Variants in CYP2B6 observed in about 807,000 individuals in gnomAD.
CYP2B6 encodes cytochrome P450 family 2 subfamily B member 6.
A neutral mutation model predicts 43.4 loss-of-function variants in CYP2B6; 35 were observed. The observed-to-expected ratio is 0.81, with a 90% CI of 0.62 to 1.07. The LOEUF is 1.07. CYP2B6 is among the 50% of genes least tolerant of loss of function. The probability of loss-of-function intolerance (pLI) is 0.00; values close to 1 mark genes in which losing one functional copy is unlikely to be tolerated. For missense variants in CYP2B6, 624 were observed against 632.8 expected, an observed-to-expected ratio of 0.99 and a Z score of 0.15; for synonymous variants, 239 against 239.2, an observed-to-expected ratio of 1.00 and a Z score of 0.01.
chr19:41,004,445 G>C lies in CYP2B6; in HGVS notation c.483G>C (p.Lys161Asn). 1 of 1,613,724 alleles carries C rather than the reference G, an allele frequency of 6.2e-7. No individual in the cohort carries two copies. Among genetic ancestry groups the C allele is most frequent in the Non-Finnish European group, 8.5e-7 (1 of 1,179,918 alleles). The change falls in exon 3 of 9, where the codon AAG (lysine) becomes AAC (asparagine). Residue 161 changes from lysine (K) to asparagine (N), a missense_variant and splice_region_variant. By Grantham distance (94) the Lys-to-Asn change is moderately conservative. Transcript: ENST00000324071. ...QCLIEELRKS[K>N]GALMDPTFLF... The stretch of plus-strand genomic sequence containing the variant: ...TGATAGAGGAGCTTCGGAAATCCAA[G>C]GGTGAGTCCTGGGGGATGAATAGGA...
At chr19:40,992,507 A>G (rs1231885614) in intron 1 of CYP2B6, among the ~76,000 whole-genome samples, 1 of 152,046 alleles carries the variant, frequency 6.6e-6, no homozygotes, top group Non-Finnish European at 1.5e-5. Context: ...GAATGGCTGC[A>G]TATGAGCATT....
chr19:40,995,525 G>T (rs1968987367), intron 1 of CYP2B6, among the ~76,000 whole-genome samples: 1 of 152,140 alleles, frequency 6.6e-6, no homozygotes, highest in Non-Finnish European at 1.5e-5. Flanking sequence ...TGAAAGGTCT[G>T]GTTGTCATCA....
At chr19:41,002,574 A>G (rs184232100) in intron 1 of CYP2B6, among the ~76,000 whole-genome samples, 268 of 152,022 alleles carry the variant, frequency 1.8e-3, no homozygotes, top group African/African-American at 5.7e-3. Flanking sequence ...CTGAGATTGA[A>G]TTTTGCTCTG....
In CYP2B6 at chr19:41,009,993, G is replaced by A. The variant is rs74869835; in HGVS notation, c.823-1G>A. Reference sequence around the variant, plus strand: ...CCCTTCCTTCCCTACTGTGGACGCAGGAGAAATCCAACGCACACAGTGAAT... The same window carrying A: ...CCCTTCCTTCCCTACTGTGGACGCAAGAGAAATCCAACGCACACAGTGAAT... On this transcript the variant is annotated splice_acceptor_variant, in intron 5 of 8. Transcript: ENST00000324071. LOFTEE classifies it high-confidence loss of function. The A allele has an allele frequency of 3.7e-5, 60 of 1,613,984 alleles. No homozygotes were observed. The highest frequency in any genetic ancestry group is 1.6e-4 in the Middle Eastern group (1 of 6,084).
chr19:41,012,139 G>A (rs138778161), intron 6 of CYP2B6, among the ~76,000 whole-genome samples, 159 bp from the exon 7 acceptor site: 203 of 152,152 alleles, frequency 1.3e-3, no homozygotes, highest in African/African-American at 4.7e-3. Context: ...TAGGAGAGAC[G>A]GGATTTTGCC....
intron 3 of CYP2B6, among the ~76,000 whole-genome samples, chr19:41,005,080 GA>G (rs903654476): frequency 1.3e-5 from 2 of 152,070 alleles, no homozygotes; most frequent in Admixed American, 6.6e-5. Context: ...TTAAGTAAAA[GA>G]AAAAAACTAC....
At chr19:41,002,845 C>T (rs1035036940) in intron 1 of CYP2B6, among the ~76,000 whole-genome samples, 10 of 152,120 alleles carry the variant, frequency 6.6e-5, no homozygotes, top group Non-Finnish European at 1.3e-4. Flanking sequence ...CCACGCCTGG[C>T]CCTGTGTTTG....
chr19:40,991,913 T>C (rs1001402048), intron 1 of CYP2B6, among the ~76,000 whole-genome samples: 1 of 151,912 alleles, frequency 6.6e-6, no homozygotes, highest in Non-Finnish European at 1.5e-5. Flanking sequence ...CAAGAATATA[T>C]TCATTTGGGC....
chr19:41,016,678 C>T lies in CYP2B6; in HGVS notation c.1327C>T (p.Arg443Cys), dbSNP rs147991149. The change falls in exon 9 of 9, where the codon CGT (arginine) becomes TGT (cysteine). Residue 443 changes from arginine to cysteine, a missense_variant. By Grantham distance (180) the Arg-to-Cys change is radical. Coordinates refer to ENST00000324071, the MANE Select transcript of CYP2B6 (RefSeq NM_000767.5). ...KRICLGEGIA[R>C]AELFLFFTTI... ...GATTTGTCTTGGTGAAGGCATCGCC[C>T]GTGCGGAATTGTTCCTCTTCTTCAC... 74 of 1,614,192 alleles carry T rather than the reference C, an allele frequency of 4.6e-5. No individual in the cohort carries two copies. The highest frequency in any genetic ancestry group is 3.1e-4 in the African/African-American group (23 of 75,058).
At chr19:41,015,176 C>G (rs1306522049) in intron 8 of CYP2B6, among the ~76,000 whole-genome samples, 2 of 152,024 alleles carry the variant, frequency 1.3e-5, no homozygotes, top group East Asian at 3.9e-4. Flanking sequence ...AAGGTATAAC[C>G]CAAGCCAAAA....
intron 1 of CYP2B6, among the ~76,000 whole-genome samples, chr19:40,999,719 C>T (rs1387169424): frequency 6.6e-6 from 1 of 152,014 alleles, no homozygotes; most frequent in Non-Finnish European, 1.5e-5. Context: ...GACAGGGTCT[C>T]AGTCTGTTAC....
At chr19:40,991,606 G>A in intron 1 of CYP2B6, 130 bp downstream of exon 1, 2 of 891,138 alleles carry the variant, frequency 2.2e-6, no homozygotes, top group Non-Finnish European at 3.7e-6. Flanking sequence ...TGAGTACGGA[G>A]CATGGTGAAG....
intron 1 of CYP2B6, among the ~76,000 whole-genome samples, chr19:40,994,661 C>G (rs1229397233): frequency 2.6e-5 from 4 of 152,050 alleles, no homozygotes; most frequent in Non-Finnish European, 1.5e-5. Context: ...ATTACACACG[C>G]AATTGCCCAC....
At chr19:41,016,534 A>T in intron 8 of CYP2B6, 112 bp from the exon 9 acceptor site, 2 of 1,111,482 alleles carry the variant, frequency 1.8e-6, no homozygotes, top group South Asian at 1.3e-5. Context: ...GTTAAAGGCC[A>T]GTCTTATGCA....
rs28399499 is a variant in CYP2B6, at chr19:41,012,316, T to C, written c.983T>C (p.Ile328Thr). Reference protein sequence around the residue: ...PHVAERVYREIEQVIGPHRPP... With the variant: ...PHVAERVYRETEQVIGPHRPP... ...TGTACAGAGAGAGTCTACAGGGAGA[T>C]TGAACAGGTGATTGGCCCACATCGC... The change falls in exon 7 of 9, where the codon ATT becomes ACT. Residue 328 changes from isoleucine to threonine, a missense_variant. Physicochemically the swap from Ile to Thr is moderately conservative, Grantham distance 89 (BLOSUM62 -1). Transcript: ENST00000324071. The C allele has an allele frequency of 3.6e-3, 5,881 of 1,614,058 alleles. 196 individuals are homozygous for C. In the African/African-American group the frequency reaches 0.069, roughly 19 times the overall value.
chr19:41,015,641 G>T (rs1007968249), intron 8 of CYP2B6, among the ~76,000 whole-genome samples: 1 of 152,118 alleles, frequency 6.6e-6, no homozygotes, highest in African/African-American at 2.4e-5. Context: ...GGAAGCCATA[G>T]ACCCTCCCTG....
At chr19:41,005,688 G>A (rs1038895405) in intron 3 of CYP2B6, among the ~76,000 whole-genome samples, 3 of 151,980 alleles carry the variant, frequency 2.0e-5, no homozygotes, top group African/African-American at 7.3e-5. Flanking sequence ...GGCTGAGACA[G>A]GAGAATTGAT....
intron 5 of CYP2B6, 150 bp downstream of exon 5, chr19:41,009,545 C>T (rs1017583281): frequency 6.0e-6 from 5 of 837,160 alleles, no homozygotes; most frequent in Non-Finnish European, 9.5e-6. Context: ...GAGGAGAGAA[C>T]ATGAGGAAGG....
intron 5 of CYP2B6, 140 bp downstream of exon 5, chr19:41,009,535 G>A (rs1298220241): frequency 2.2e-6 from 2 of 929,156 alleles, no homozygotes; most frequent in Non-Finnish European, 3.4e-6. Flanking sequence ...TAGGGAAAGG[G>A]AGGAGAGAAC....
Sources: gnomAD v4.1 joint callset for allele counts (sites outside exome capture counted in the v4.1 genomes callset) on GRCh38, gnomAD v4.1.1 for gene constraint, MANE v1.5 for transcripts, NCBI Gene and HGNC (gene_info 2026-07-23, HGNC 2026-07-21) for gene names.